ENAH: variants seen among roughly 807,000 people sequenced by gnomAD.
The protein encoded by ENAH is ENAH actin regulator.
A neutral mutation model predicts 78.7 loss-of-function variants in ENAH; 23 were observed. The ratio of observed to expected loss-of-function variants is 0.29; its 90% CI spans 0.21 to 0.41. The LOEUF (loss-of-function observed/expected upper bound fraction) is 0.41, where lower values mean the gene tolerates loss of function less well. Ranked by LOEUF, ENAH falls within the 10% of genes least tolerant of loss-of-function variation. The pLI, the probability that ENAH is intolerant of heterozygous loss-of-function variation, is 1.00. For synonymous variants in ENAH, 226 were observed against 241.0 expected (o/e 0.94, Z 0.58); for missense variants, 544 against 691.0 (o/e 0.79, Z 2.39).
chr1:225,579,773 A>C (rs1233226962), intron 1 of ENAH, among the ~76,000 whole-genome samples: 1 of 152,268 alleles, frequency 6.6e-6, no homozygotes, highest in Admixed American at 6.5e-5. Context: ...CATCTTTCAA[A>C]AAGAATAGGT....
intron 1 of ENAH, among the ~76,000 whole-genome samples, chr1:225,611,086 T>A (rs1348062891): frequency 1.3e-5 from 2 of 152,164 alleles, no homozygotes; most frequent in African/African-American, 4.8e-5. Context: ...TGAAAGACTG[T>A]GACTAGAAGA....
intron 3 of ENAH, among the ~76,000 whole-genome samples, chr1:225,536,491 T>A (rs1327995637): frequency 6.6e-6 from 1 of 152,094 alleles, no homozygotes; most frequent in Non-Finnish European, 1.5e-5. Context: ...AAAGATTTTC[T>A]TTTTCCGTTG....
At chr1:225,525,584 T>C (rs1379016860) in intron 4 of ENAH, among the ~76,000 whole-genome samples, 1 of 152,188 alleles carries the variant, frequency 6.6e-6, no homozygotes, top group East Asian at 1.9e-4. Context: ...GGCTATTCCC[T>C]AGGTTTTGCT....
chr1:225,517,938 A>G, intron 5 of ENAH: 1 of 1,549,558 alleles, frequency 6.5e-7, no homozygotes, highest in East Asian at 2.4e-5. Context: ...GAGGCTGGCA[A>G]CTGGAATACT....
At chr1:225,562,295 G>A (rs1001195944) in intron 2 of ENAH, among the ~76,000 whole-genome samples, 3 of 151,724 alleles carry the variant, frequency 2.0e-5, no homozygotes, top group Non-Finnish European at 2.9e-5. Flanking sequence ...AGCACAGGCC[G>A]GGCGCAGTGG....
intron 12 of ENAH, among the ~76,000 whole-genome samples, chr1:225,500,676 CA>C (rs1158076553): frequency 6.6e-6 from 1 of 152,060 alleles, no homozygotes; most frequent in Non-Finnish European, 1.5e-5. Context: ...TCAATTTTGC[CA>C]AGACAGTCAC....
At chr1:225,592,147 G>A (rs143894511) in intron 1 of ENAH, among the ~76,000 whole-genome samples, 135 of 152,286 alleles carry the variant, frequency 8.9e-4, no homozygotes, top group Admixed American at 2.6e-3. Flanking sequence ...CAGTATTTTG[G>A]TAAATGGAGA....
In ENAH at chr1:225,647,268, A is replaced by G. The variant is rs372750839; in HGVS notation, c.5+5418T>C. On this transcript the variant is annotated intron_variant, in intron 1 of 13. Coordinates refer to ENST00000366843, the MANE Select transcript of ENAH (RefSeq NM_018212.6). ...AGAATCAAAACAAAGCAAGCACTAA[A>G]TGGGGTAAAAATAAATTAAACCAAT... 9.8e-5 allele frequency among the ~76,000 whole-genome samples: 15 copies of G among 152,288 alleles called. No individual in the cohort carries two copies. The East Asian group carries it at 2.5e-3, about 25-fold the overall frequency.
chr1:225,515,114 A>C, intron 6 of ENAH: 1 of 541,152 alleles, frequency 1.8e-6, no homozygotes, highest in South Asian at 2.6e-5. Context: ...TTTAGGTTAG[A>C]GCTTTAGTAA....
chr1:225,553,866 C>A (rs867422177), intron 3 of ENAH, among the ~76,000 whole-genome samples: 6 of 152,296 alleles, frequency 3.9e-5, no homozygotes, highest in Middle Eastern at 6.8e-3. Flanking sequence ...AAAAGAAGAT[C>A]TGATACAAAA....
intron 1 of ENAH, among the ~76,000 whole-genome samples, chr1:225,610,958 TAAC>T (rs2096984905): frequency 6.6e-6 from 1 of 152,288 alleles, no homozygotes; most frequent in African/African-American, 2.4e-5. Context: ...GGCACAGATC[TAAC>T]GTTAGGCCGA....
At chr1:225,649,829 G>C (rs1269925741) in intron 1 of ENAH, among the ~76,000 whole-genome samples, 1 of 152,140 alleles carries the variant, frequency 6.6e-6, no homozygotes, top group Non-Finnish European at 1.5e-5. Context: ...ACCACTAATA[G>C]TTATACCGTA....
rs560351981 is a variant in ENAH, at chr1:225,623,869, G to A, written c.5+28817C>T. Among the ~76,000 whole-genome samples, 914 of 152,212 alleles carry A rather than the reference G, an allele frequency of 6.0e-3. 4 individuals carry two copies. Among genetic ancestry groups the A allele is most frequent in the Non-Finnish European group, 8.3e-3 (566 of 68,006 alleles). ...CTCCCAAAGTGCTGGGATTACAGGC[G>A]TAAGCCACCGGGCCCAGTCAGTACC... On this transcript the variant is annotated intron_variant, in intron 1 of 13. Transcript: ENST00000366843.
intron 3 of ENAH, among the ~76,000 whole-genome samples, chr1:225,549,478 T>C (rs1439791949): frequency 1.3e-5 from 2 of 152,106 alleles, no homozygotes; most frequent in Non-Finnish European, 2.9e-5. Flanking sequence ...CATTACATCT[T>C]ACTGACAAAG....
rs1345923552 is a variant in ENAH at position 225,493,053 on chromosome 1, C to T, written c.*4722G>A. 6.6e-6 allele frequency: 1 copy of T among 152,090 alleles called. No individual in the cohort carries two copies. Among genetic ancestry groups the T allele is most frequent in the African/African-American group, 2.4e-5 (1 of 41,398 alleles). 9.4% of individuals were successfully genotyped at this position (152,090 alleles called of 1,614,324 possible). ...GTTGATGGTGAGTATCTGTAACCAT[C>T]CTAAATTTACTGCATTAATATTTTA... On this transcript the variant is annotated 3_prime_UTR_variant, in exon 14 of 14. Coordinates refer to ENST00000366843, the MANE Select transcript of ENAH (RefSeq NM_018212.6).
At chr1:225,560,078 C>G (rs1177213316) in intron 2 of ENAH, among the ~76,000 whole-genome samples, 5 of 152,188 alleles carry the variant, frequency 3.3e-5, no homozygotes, top group Admixed American at 3.3e-4. Flanking sequence ...AGCACCATAG[C>G]CAGCCTTCCC....
chr1:225,556,057 T>C (rs1015871648), intron 2 of ENAH, among the ~76,000 whole-genome samples: 3 of 152,222 alleles, frequency 2.0e-5, no homozygotes, highest in Non-Finnish European at 2.9e-5. Context: ...GGTTTGTTCA[T>C]TTTCACTGCT....
chr1:225,646,743 C>T (rs577823701), intron 1 of ENAH, among the ~76,000 whole-genome samples: 6 of 151,984 alleles, frequency 3.9e-5, no homozygotes, highest in Non-Finnish European at 7.4e-5. Context: ...AACCTGAGAT[C>T]GAGCCGCTGC....
chr1:225,653,531 C>T (rs567493113), upstream of ENAH, among the ~76,000 whole-genome samples: 119 of 151,280 alleles, frequency 7.9e-4, no homozygotes, highest in African/African-American at 2.7e-3. This position sits in a 1 kb window ranked among gnomAD's most constrained non-coding sequence, Gnocchi z 4.3. Flanking sequence ...GCTTGGGGAG[C>T]TCCGAGGCCT....
Sources: allele counts gnomAD v4.1 joint callset (sites outside exome capture counted in the v4.1 genomes callset), GRCh38; gene constraint gnomAD v4.1.1; non-coding constraint Gnocchi (gnomAD v3.1); transcripts MANE v1.5; gene names NCBI Gene and HGNC (gene_info 2026-07-23, HGNC 2026-07-21).